EBF2: variants seen among roughly 807,000 people sequenced by gnomAD.
The protein encoded by EBF2 is transcription factor COE2.
In EBF2, 21 loss-of-function variants were observed where a neutral mutation model predicts 72.8. That is an observed-to-expected ratio of 0.29 (90% confidence interval 0.20 to 0.42). The LOEUF is 0.42. Among genes scored for constraint, EBF2 ranks in the 10% least tolerant of loss-of-function variants. The pLI is 1.00. For synonymous variants in EBF2, 299 were observed against 274.2 expected, an observed-to-expected ratio of 1.09 and a Z score of -0.89; for missense variants, 637 against 731.2, an observed-to-expected ratio of 0.87 and a Z score of 1.49.
intron 6 of EBF2, among the ~76,000 whole-genome samples, chr8:25,942,610 A>G (rs1435383968): frequency 6.6e-6 from 1 of 152,244 alleles, no homozygotes; most frequent in Non-Finnish European, 1.5e-5. Flanking sequence ...TTAGAGTGAC[A>G]TATATGGCAA....
At chr8:25,886,057 G>A (rs942850716) in intron 10 of EBF2, among the ~76,000 whole-genome samples, 3 of 151,968 alleles carry the variant, frequency 2.0e-5, no homozygotes, top group African/African-American at 4.8e-5. Flanking sequence ...TTCCCTGTCC[G>A]TAAATATGGT....
intron 3 of EBF2, 89 bp from the exon 4 acceptor site, chr8:26,040,760 G>A: frequency 1.3e-6 from 2 of 1,509,274 alleles, no homozygotes; most frequent in Non-Finnish European, 1.8e-6. Flanking sequence ...TGAGGCCCAA[G>A]CAGCCTCTCC....
At chr8:25,970,709 G>C (rs10086999) in intron 6 of EBF2, among the ~76,000 whole-genome samples, 86,267 of 152,020 alleles carry the variant, frequency 0.57, 24,859 homozygotes, top group East Asian at 0.89. Flanking sequence ...TTGCATTATT[G>C]CTTGTCCATA....
intron 6 of EBF2, among the ~76,000 whole-genome samples, chr8:25,970,224 G>A (rs1027071554): frequency 2.6e-5 from 4 of 152,142 alleles, no homozygotes; most frequent in Non-Finnish European, 5.9e-5. Context: ...CCAGGATGCT[G>A]CTCCAGATTG....
At chr8:25,943,241 A>G (rs1402609919) in intron 6 of EBF2, among the ~76,000 whole-genome samples, 2 of 146,276 alleles carry the variant, frequency 1.4e-5, no homozygotes, top group African/African-American at 2.5e-5. Context: ...CCAAGGTGGA[A>G]GGATTGCTTG....
At chr8:25,901,147 G>T (rs1474377009) in intron 7 of EBF2, among the ~76,000 whole-genome samples, 2 of 152,238 alleles carry the variant, frequency 1.3e-5, no homozygotes, top group African/African-American at 4.8e-5. Flanking sequence ...GCTGGGTGTG[G>T]TGGTTCACAT....
chr8:25,972,242 C>T (rs1409708816), intron 6 of EBF2, among the ~76,000 whole-genome samples: 1 of 152,182 alleles, frequency 6.6e-6, no homozygotes, highest in African/African-American at 2.4e-5. Context: ...TCCCCTCCTT[C>T]GTAGACCCCG....
At chr8:25,881,909 C>G (rs1802611270) in intron 10 of EBF2, among the ~76,000 whole-genome samples, 2 of 152,150 alleles carry the variant, frequency 1.3e-5, no homozygotes, top group African/African-American at 4.8e-5. Context: ...CCTGGGCTGC[C>G]GAGAGGCCCG....
In EBF2 at chr8:25,843,021, T is replaced by A; in HGVS notation, c.*1588A>T. 6.6e-6 allele frequency: 1 copy of A among 152,184 alleles called. No homozygotes were observed. The highest frequency in any genetic ancestry group is 2.1e-4 in the South Asian group (1 of 4,832). The allele number at this position is 152,184 out of a possible 1,614,324, so 9.4% of individuals were successfully genotyped here. The stretch of plus-strand genomic sequence containing the variant: ...TCTTTATTGGCAATCCCAATATGCC[T>A]GGATATGTCTCTAGGATTACATAAG... On this transcript the variant is annotated 3_prime_UTR_variant, in exon 16 of 16. Coordinates refer to ENST00000520164, the MANE Select transcript of EBF2 (RefSeq NM_022659.4).
intron 6 of EBF2, among the ~76,000 whole-genome samples, chr8:25,999,859 A>G (rs1378420278): frequency 6.6e-6 from 1 of 151,952 alleles, no homozygotes; most frequent in Admixed American, 6.6e-5. Flanking sequence ...AAATTTCTCT[A>G]GTACCAGCCG....
rs1805569267 is a variant in EBF2, at chr8:26,039,895, G to T, written c.482+133C>A. 7 of 840,538 alleles carry T rather than the reference G, an allele frequency of 8.3e-6. 1 individual carries two copies. Among genetic ancestry groups the T allele is most frequent in the Middle Eastern group, 7.2e-4 (2 of 2,788 alleles). 52.1% of individuals were successfully genotyped at this position (840,538 alleles called of 1,614,324 possible). A position where few individuals can be genotyped will look rare whatever the true frequency, so the allele number is the denominator to read the frequency against. ...GGGTTTCCGTGGATCTACACTCTGC[G>T]CCCGTCTGCCCGCGAGGCCTCCCAG... is the stretch of plus-strand genomic sequence containing the variant. On this transcript the variant is annotated intron_variant, in intron 5 of 15. Coordinates refer to ENST00000520164, the MANE Select transcript of EBF2 (RefSeq NM_022659.4).
At chr8:25,943,963 C>T (rs1585203795) in intron 6 of EBF2, among the ~76,000 whole-genome samples, 1 of 152,172 alleles carries the variant, frequency 6.6e-6, no homozygotes, top group East Asian at 1.9e-4. Flanking sequence ...TAGGTGAGAA[C>T]AGGGTCCCAG....
At chr8:26,006,723 C>T (rs981733187) in intron 6 of EBF2, among the ~76,000 whole-genome samples, 11 of 152,174 alleles carry the variant, frequency 7.2e-5, no homozygotes, top group African/African-American at 2.7e-4. Flanking sequence ...AGACAGGGCA[C>T]ACGGCCAAGT....
At chr8:25,936,638 A>T (rs7843636) in intron 6 of EBF2, among the ~76,000 whole-genome samples, 103,489 of 152,090 alleles carry the variant, frequency 0.68, 37,976 homozygotes, top group Non-Finnish European at 0.83. Flanking sequence ...AAATTTTATT[A>T]TAGAACTAGA....
At chr8:26,012,522 T>C (rs1805041315) in intron 6 of EBF2, among the ~76,000 whole-genome samples, 1 of 152,186 alleles carries the variant, frequency 6.6e-6, no homozygotes, top group Admixed American at 6.5e-5. Context: ...ATCTCCTATA[T>C]AAAACAGGCC....
chr8:25,971,819 T>C (rs1046066485), intron 6 of EBF2, among the ~76,000 whole-genome samples: 2 of 152,126 alleles, frequency 1.3e-5, no homozygotes, highest in African/African-American at 4.8e-5. Context: ...TTTAAAAGGT[T>C]GATTTGCAAA....
intron 10 of EBF2, among the ~76,000 whole-genome samples, chr8:25,866,175 TC>T (rs1396201962): frequency 6.6e-6 from 1 of 151,980 alleles, no homozygotes; most frequent in Non-Finnish European, 1.5e-5. Flanking sequence ...GATGCATTAA[TC>T]CCATTTAGTT....
intron 10 of EBF2, among the ~76,000 whole-genome samples, chr8:25,876,826 G>A (rs1013219852): frequency 5.9e-5 from 9 of 152,168 alleles, no homozygotes; most frequent in African/African-American, 1.2e-4. Context: ...CTATGAAGTT[G>A]AGATCCTCAT....
At chr8:25,929,549 G>A (rs953545290) in intron 6 of EBF2, among the ~76,000 whole-genome samples, 5 of 151,898 alleles carry the variant, frequency 3.3e-5, no homozygotes, top group African/African-American at 4.8e-5. Context: ...TCTTCCTATC[G>A]GGTACTTTTT....
Sources: allele counts gnomAD v4.1 joint callset (sites outside exome capture counted in the v4.1 genomes callset), GRCh38; gene constraint gnomAD v4.1.1; transcripts MANE v1.5; gene names NCBI Gene and HGNC (gene_info 2026-07-23, HGNC 2026-07-21).